The following SRPRB variants were observed in gnomAD, a reference collection of about 807,000 sequenced individuals.
SRPRB encodes the protein signal recognition particle receptor subunit beta.
Under a neutral mutation model 31.9 loss-of-function variants are expected in SRPRB, and 20 were observed. That is an observed-to-expected ratio of 0.63 (90% CI 0.44 to 0.91). The LOEUF is 0.91. Among genes scored for constraint, SRPRB ranks in the 40% least tolerant of loss-of-function variants. The pLI is 0.00. For synonymous variants in SRPRB, 146 were observed against 132.8 expected (o/e 1.10, Z -0.68); for missense variants, 321 against 324.9 (o/e 0.99, Z 0.09).
At chr3:133,817,007 T>C in intron 6 of SRPRB, 75 bp downstream of exon 6, 1 of 1,201,112 alleles carries the variant, frequency 8.3e-7, no homozygotes, top group Non-Finnish European at 1.2e-6. Flanking sequence ...TCATGTTTCT[T>C]TTGTTTGGTT....
intron 3 of SRPRB, among the ~76,000 whole-genome samples, chr3:133,810,013 C>T (rs1194211738): frequency 6.6e-6 from 1 of 151,964 alleles, no homozygotes; most frequent in South Asian, 2.1e-4. Flanking sequence ...TTTCTCCTAC[C>T]CCCTTACGTT....
At position 133,813,204 on chromosome 3, in the gene SRPRB, A is replaced by G. The variant is rs142000559; in HGVS notation, c.410+2005A>G. Among the ~76,000 whole-genome samples the G allele has an allele frequency of 1.1e-3, 171 of 152,290 alleles. 2 individuals carry two copies. Among genetic ancestry groups the G allele is most frequent in the African/African-American group, 3.9e-3 (162 of 41,542 alleles). On this transcript the variant is annotated intron_variant, in intron 4 of 6. Transcript: ENST00000678299. ...CCAGGGATAGATTTTCTTCTGTTCA[A>G]GGATGGATTTAGCTTTATCATTCTT...
At chr3:133,796,072 T>C (rs1934962256) in intron 1 of SRPRB, 1 of 152,958 alleles carries the variant, frequency 6.5e-6, no homozygotes, top group Non-Finnish European at 1.5e-5. Context: ...CAAACATTCC[T>C]GACAGCATAG....
chr3:133,802,129 G>A (rs1336121951), upstream of SRPRB, among the ~76,000 whole-genome samples: 3 of 152,188 alleles, frequency 2.0e-5, no homozygotes, highest in Non-Finnish European at 4.4e-5. Flanking sequence ...ATTAGGCAGG[G>A]CGTGGTGGCT....
chr3:133,825,946 T>A (rs2107981512), downstream of SRPRB: 1 of 152,366 alleles, frequency 6.6e-6, no homozygotes, highest in African/African-American at 2.4e-5. Context: ...GGCAATGCCA[T>A]GACATCTTCT....
downstream of SRPRB, chr3:133,827,609 C>A: frequency 2.3e-6 from 1 of 435,306 alleles, no homozygotes; most frequent in Non-Finnish European, 4.1e-6. Flanking sequence ...AAGATATGTC[C>A]ACAAAGACTT....
At chr3:133,786,526 A>C (rs1347113648) in intron 1 of SRPRB, 1 of 152,234 alleles carries the variant, frequency 6.6e-6, no homozygotes, top group East Asian at 1.9e-4. Flanking sequence ...TGTTTTACTT[A>C]TCTGGGTATA....
At chr3:133,815,518 A>G in intron 4 of SRPRB, 72 bp from the exon 5 acceptor site, 2 of 1,582,818 alleles carry the variant, frequency 1.3e-6, no homozygotes, top group Non-Finnish European at 1.7e-6. Context: ...GAAGAAGTTC[A>G]GGATAGTTTT....
upstream of SRPRB, chr3:133,805,675 G>A: frequency 2.9e-6 from 2 of 699,936 alleles, no homozygotes; most frequent in South Asian, 5.4e-5. Flanking sequence ...TCGTTCTGTA[G>A]GAGGACGGAG....
chr3:133,828,246 T>C (rs986165465), downstream of SRPRB: 3 of 504,266 alleles, frequency 5.9e-6, no homozygotes, highest in South Asian at 7.3e-5. Flanking sequence ...CAACCAATGT[T>C]TGATTTAACT....
At chr3:133,828,450 A>C (rs1237531906), downstream of SRPRB, 1 of 398,912 alleles carries the variant, frequency 2.5e-6, no homozygotes, top group Non-Finnish European at 4.5e-6. Context: ...AACAAAAAGC[A>C]CATCTTTCAA....
intron 1 of SRPRB, chr3:133,796,009 T>C (rs1934960500): frequency 6.6e-6 from 1 of 152,150 alleles, no homozygotes; most frequent in Non-Finnish European, 1.5e-5. Flanking sequence ...AACACATAGA[T>C]CCTAGAACAG....
At chr3:133,809,837 AT>A (rs1295113751) in intron 3 of SRPRB, among the ~76,000 whole-genome samples, 1 of 152,194 alleles carries the variant, frequency 6.6e-6, no homozygotes, top group Non-Finnish European at 1.5e-5. Context: ...ATTAGATTAA[AT>A]AACTTAAAAT....
At chr3:133,828,054 C>T (rs1935599678), downstream of SRPRB, 2 of 696,698 alleles carry the variant, frequency 2.9e-6, no homozygotes, top group Non-Finnish European at 5.2e-6. Context: ...TTGCCTGTAC[C>T]CTCAACCCCC....
chr3:133,811,073 G>A (rs777635673), intron 3 of SRPRB, 44 bp from the exon 4 acceptor site: 32 of 1,589,798 alleles, frequency 2.0e-5, no homozygotes, highest in African/African-American at 2.7e-5. Flanking sequence ...TATTGTGAAC[G>A]TGGAACTGTA....
In SRPRB at chr3:133,798,450, T is replaced by C. The variant is rs140254203; in HGVS notation, c.-173-7226T>C. On this transcript the variant is annotated intron_variant, in intron 1 of 7. Transcript: ENST00000466490. ...TCTTAGAAACATTATACTTAGTGTA[T>C]TCTGTTGCTTTATGTTTCATTTTAA... is the stretch of plus-strand genomic sequence containing the variant. Among the ~76,000 whole-genome samples the C allele has an allele frequency of 1.1e-4, 17 of 152,344 alleles. No individual in the cohort carries two copies. The East Asian group carries it at 3.3e-3, about 29-fold the overall frequency.
At chr3:133,824,594 T>G (rs188045253), downstream of SRPRB, 1 of 152,142 alleles carries the variant, frequency 6.6e-6, no homozygotes, top group Admixed American at 6.5e-5. Flanking sequence ...CACATTGAGA[T>G]CCCAAGGTTT....
At chr3:133,799,428 G>C (rs1233229697) in intron 1 of SRPRB, among the ~76,000 whole-genome samples, 1 of 152,098 alleles carries the variant, frequency 6.6e-6, no homozygotes, top group Non-Finnish European at 1.5e-5. Context: ...CAGATGTATA[G>C]TATATAATCA....
intron 1 of SRPRB, chr3:133,796,705 C>G (rs916412261): frequency 2.0e-5 from 3 of 152,184 alleles, no homozygotes; most frequent in East Asian, 1.9e-4. Flanking sequence ...AGAACCTGGA[C>G]ACCCTCCAGT....
Sources: gnomAD v4.1 joint callset for allele counts (sites outside exome capture counted in the v4.1 genomes callset) on GRCh38, gnomAD v4.1.1 for gene constraint, MANE v1.5 for transcripts, NCBI Gene and HGNC (gene_info 2026-07-23, HGNC 2026-07-21) for gene names.